LAMC1: variants seen among roughly 807,000 people sequenced by gnomAD.
The protein encoded by LAMC1 is laminin subunit gamma 1.
LAMC1 carries 38 observed loss-of-function variants against 173.6 expected under a neutral mutation model. The observed-to-expected ratio is 0.22, with a 90% CI of 0.17 to 0.29. LAMC1 has a LOEUF of 0.29. Among genes scored for constraint, LAMC1 ranks in the 10% least tolerant of loss-of-function variants. The pLI is 1.00. For missense variants in LAMC1, 1,824 were observed against 2,051.8 expected (o/e 0.89, Z 2.14); for synonymous variants, 746 against 749.1 (o/e 1.00, Z 0.07).
At chr1:183,131,154 A>G (rs1656772850) in intron 19 of LAMC1, 145 bp from the exon 20 acceptor site, 2 of 623,894 alleles carry the variant, frequency 3.2e-6, no homozygotes, top group Non-Finnish European at 5.6e-6. Flanking sequence ...TGCCTGGGCA[A>G]CAAGAGTGAA....
chr1:183,076,827 CA>C (rs1655129512), intron 1 of LAMC1, among the ~76,000 whole-genome samples: 1 of 152,100 alleles, frequency 6.6e-6, no homozygotes, highest in Non-Finnish European at 1.5e-5. Flanking sequence ...CACTGGCACT[CA>C]AAACATTTGT....
intron 8 of LAMC1, 34 bp from the exon 9 acceptor site, chr1:183,117,286 G>A (rs1159621252): frequency 3.1e-6 from 5 of 1,589,090 alleles, no homozygotes; most frequent in Admixed American, 1.7e-5. Context: ...TGTTTACAGT[G>A]TAAAGTGCTT....
intron 4 of LAMC1, among the ~76,000 whole-genome samples, 189 bp from the exon 5 acceptor site, chr1:183,114,342 A>G (rs1656256154): frequency 2.0e-5 from 3 of 152,226 alleles, no homozygotes; most frequent in Admixed American, 2.0e-4. Flanking sequence ...AAGTGCTGGG[A>G]TTATAGGCAT....
chr1:183,128,037 T>G (rs911953552), intron 17 of LAMC1, among the ~76,000 whole-genome samples: 1 of 152,172 alleles, frequency 6.6e-6, no homozygotes, highest in Admixed American at 6.5e-5. Context: ...ATATGCGTGT[T>G]TGGGGACAGG....
Position 183,133,486 on chromosome 1 carries a change from A to G in LAMC1, c.3785A>G (p.Asp1262Gly), listed in dbSNP as rs1656855515. The stretch of plus-strand genomic sequence containing the variant: ...CATGAGGAGGCCAAAAGGGCCGGTG[A>G]CAAAGCTGTGGAGATCTATGCCAGC... ...RVHEEAKRAGDKAVEIYASVA... is the reference protein window; with the variant it reads ...RVHEEAKRAGGKAVEIYASVA... The change falls in exon 22 of 28, where the codon GAC becomes GGC. Residue 1262 changes from aspartate to glycine, a missense_variant. By Grantham distance (94) the Asp-to-Gly change is moderately conservative (BLOSUM62 -1). Transcript: ENST00000258341. 2 of 1,614,172 alleles carry G rather than the reference A, an allele frequency of 1.2e-6. No individual in the cohort carries two copies. The highest frequency in any genetic ancestry group is 4.5e-5 in the East Asian group (2 of 44,874).
chr1:183,103,357 C>G lies in LAMC1; in HGVS notation c.448C>G (p.Leu150Val). 6.2e-7 allele frequency: 1 copy of G among 1,614,090 alleles called. No homozygotes were observed. Among genetic ancestry groups the G allele is most frequent in the South Asian group, 1.1e-5 (1 of 91,076 alleles). Residue 150 changes from leucine (L) to valine (V), a missense_variant, in exon 2 of 28, where the codon CTC becomes GTC. Physicochemically the swap from Leu to Val is conservative, Grantham distance 32 (BLOSUM62 1). Transcript: ENST00000258341. Reference sequence around the variant, plus strand: ...AGCTTTTGACATCACCTATGTGCGTCTCAAGTTCCACACCAGCCGCCCGGA... The same window carrying G: ...AGCTTTTGACATCACCTATGTGCGTGTCAAGTTCCACACCAGCCGCCCGGA... Reference protein sequence around the residue: ...GKAFDITYVRLKFHTSRPESF... With the variant: ...GKAFDITYVRVKFHTSRPESF...
chr1:183,130,770 C>G (rs1245023820), intron 19 of LAMC1, among the ~76,000 whole-genome samples: 1 of 152,216 alleles, frequency 6.6e-6, no homozygotes, highest in East Asian at 1.9e-4. Flanking sequence ...ATTTCTCTAG[C>G]TTTGTTCCTT....
intron 1 of LAMC1, among the ~76,000 whole-genome samples, chr1:183,035,851 C>T (rs1653966098): frequency 1.3e-5 from 2 of 152,120 alleles, no homozygotes; most frequent in Admixed American, 6.5e-5. Flanking sequence ...GAGGTAGAGA[C>T]CCCTGTGATT....
rs959189020 is a variant in LAMC1, at chr1:183,039,321, G to T, written c.418+15187G>T. On this transcript the variant is annotated intron_variant, in intron 1 of 27. Coordinates refer to ENST00000258341, the MANE Select transcript of LAMC1 (RefSeq NM_002293.4). ...AGCAATTGTGTACTTGAATTGCTTT[G>T]GTCATGTGATTGCCCCTTCTTGGGT... Among the ~76,000 whole-genome samples the T allele has an allele frequency of 1.6e-4, 25 of 152,266 alleles. No homozygotes were observed. The East Asian group carries it at 4.4e-3, about 27-fold the overall frequency.
intron 1 of LAMC1, among the ~76,000 whole-genome samples, chr1:183,043,843 T>C (rs917054667): frequency 1.3e-5 from 2 of 152,190 alleles, no homozygotes; most frequent in Admixed American, 1.3e-4. Context: ...ATGCATAGTT[T>C]TGTGAGAAAC....
chr1:183,093,813 T>C (rs10911240), intron 1 of LAMC1, among the ~76,000 whole-genome samples: 78,587 of 152,042 alleles, frequency 0.52, 20,997 homozygotes, highest in South Asian at 0.65. Context: ...CACATCCAGT[T>C]CATCAGTAAA....
chr1:183,127,415 A>T lies in LAMC1; in HGVS notation c.3123+11A>T, dbSNP rs1656650834. 6.2e-7 allele frequency: 1 copy of T among 1,612,848 alleles called. No individual in the cohort carries two copies. Among genetic ancestry groups the T allele is most frequent in the South Asian group, 1.1e-5 (1 of 91,012 alleles). On this transcript the variant is annotated intron_variant, in intron 17 of 27. Transcript: ENST00000258341. Reference sequence around the variant, plus strand: ...CTGGTAAAGGATAAGGTAAGCTGTCAATAGTGCATTCATTCATTCATCCAG... The same window carrying T: ...CTGGTAAAGGATAAGGTAAGCTGTCTATAGTGCATTCATTCATTCATCCAG...
At chr1:183,089,568 A>G (rs1655515609) in intron 1 of LAMC1, among the ~76,000 whole-genome samples, 1 of 152,366 alleles carries the variant, frequency 6.6e-6, no homozygotes, top group Non-Finnish European at 1.5e-5. Context: ...ACTACTTTCC[A>G]ATTAAAGATA....
intron 21 of LAMC1, 124 bp downstream of exon 21, chr1:183,132,661 A>C: frequency 1.4e-6 from 1 of 737,020 alleles, no homozygotes; most frequent in Non-Finnish European, 2.2e-6. Flanking sequence ...TTCCTTTGTT[A>C]ATCATGCTTT....
At chr1:183,073,279 C>T (rs1021257863) in intron 1 of LAMC1, among the ~76,000 whole-genome samples, 1 of 152,158 alleles carries the variant, frequency 6.6e-6, no homozygotes, top group Non-Finnish European at 1.5e-5. Context: ...AAAATCTCAG[C>T]TAACAAAATA....
chr1:183,079,525 G>A (rs541499020), intron 1 of LAMC1, among the ~76,000 whole-genome samples: 1 of 151,720 alleles, frequency 6.6e-6, no homozygotes, highest in East Asian at 1.9e-4. Context: ...CAAAGTGCTG[G>A]GAGGCAATTC....
chr1:183,025,072 C>T (rs1229627158), intron 1 of LAMC1, among the ~76,000 whole-genome samples: 1 of 152,208 alleles, frequency 6.6e-6, no homozygotes, highest in East Asian at 1.9e-4. Context: ...GTGAGAAACA[C>T]GTTTGACTTA....
chr1:183,085,294 T>C (rs1426483430), intron 1 of LAMC1, among the ~76,000 whole-genome samples: 1 of 152,124 alleles, frequency 6.6e-6, no homozygotes, highest in Non-Finnish European at 1.5e-5. Flanking sequence ...TAAGGCTTAG[T>C]ACACCCTGCT....
chr1:183,115,389 G>GTGAC, intron 5 of LAMC1, 131 bp from the exon 6 acceptor site: 1 of 670,892 alleles, frequency 1.5e-6, no homozygotes, highest in Non-Finnish European at 2.7e-6. Context: ...TATTACCTTT[G>GTGAC]TGACCATCAG....
Sources: gnomAD v4.1 joint callset for allele counts (sites outside exome capture counted in the v4.1 genomes callset) on GRCh38, gnomAD v4.1.1 for gene constraint, MANE v1.5 for transcripts, NCBI Gene and HGNC (gene_info 2026-07-23, HGNC 2026-07-21) for gene names.